The following GRM1 variants were observed in gnomAD, a reference collection of about 807,000 sequenced individuals.
The protein encoded by GRM1 is metabotropic glutamate receptor 1.
GRM1 carries 33 observed loss-of-function variants against 90.9 expected under a neutral mutation model. The ratio of observed to expected loss-of-function variants is 0.36; its 90% CI spans 0.28 to 0.49. The LOEUF (loss-of-function observed/expected upper bound fraction) is 0.49, where lower values mean the gene tolerates loss of function less well. Among genes scored for constraint, GRM1 ranks in the 20% least tolerant of loss-of-function variants. GRM1 has a pLI of 0.99. For missense variants in GRM1, 1,190 were observed against 1,534.3 expected, an observed-to-expected ratio of 0.78 and a Z score of 3.75; for synonymous variants, 700 against 613.2, an observed-to-expected ratio of 1.14 and a Z score of -2.09.
chr6:146,305,290 T>C (rs1221421734), intron 3 of GRM1, among the ~76,000 whole-genome samples: 1 of 152,048 alleles, frequency 6.6e-6, no homozygotes, highest in Non-Finnish European at 1.5e-5. Context: ...CAAAAGTGTT[T>C]GTGGGCATAG....
chr6:146,137,956 T>C (rs977782433), intron 1 of GRM1, among the ~76,000 whole-genome samples: 2 of 152,212 alleles, frequency 1.3e-5, no homozygotes, highest in Non-Finnish European at 2.9e-5. Flanking sequence ...TTTCAGATTA[T>C]TTACTGTTGG....
chr6:146,371,481 C>A (rs896274022), intron 5 of GRM1, among the ~76,000 whole-genome samples: 4 of 152,042 alleles, frequency 2.6e-5, no homozygotes, highest in African/African-American at 9.7e-5. Context: ...AATCCAATTA[C>A]AATCTTTACG....
At chr6:146,039,788 G>A (rs1392389183) in intron 1 of GRM1, among the ~76,000 whole-genome samples, 1 of 151,994 alleles carries the variant, frequency 6.6e-6, no homozygotes, top group Non-Finnish European at 1.5e-5. Context: ...GGAGGTTAGT[G>A]TTTAGTGAAT....
At chr6:146,325,410 C>G (rs1784369248) in intron 3 of GRM1, among the ~76,000 whole-genome samples, 1 of 152,136 alleles carries the variant, frequency 6.6e-6, no homozygotes, top group African/African-American at 2.4e-5. Flanking sequence ...AGAGATTGTT[C>G]TTGCAAAAGA....
At chr6:146,054,740 T>A (rs1292910002) in intron 1 of GRM1, among the ~76,000 whole-genome samples, 1 of 152,144 alleles carries the variant, frequency 6.6e-6, no homozygotes, top group East Asian at 1.9e-4. Flanking sequence ...TGTTTTTTAA[T>A]GCTCTACCAG....
intron 1 of GRM1, among the ~76,000 whole-genome samples, chr6:146,101,368 GT>G (rs1562463341): frequency 6.6e-6 from 1 of 152,080 alleles, no homozygotes; most frequent in South Asian, 2.1e-4. Context: ...TATTCTCACT[GT>G]TTTTTCTTCC....
intron 3 of GRM1, among the ~76,000 whole-genome samples, chr6:146,337,513 G>T (rs118174893): frequency 6.6e-6 from 1 of 152,148 alleles, no homozygotes; most frequent in Admixed American, 6.5e-5. Flanking sequence ...GAAAGTAAGG[G>T]ATAGGGATAT....
At chr6:146,092,258 A>G (rs1424544794) in intron 1 of GRM1, among the ~76,000 whole-genome samples, 1 of 151,966 alleles carries the variant, frequency 6.6e-6, no homozygotes, top group Admixed American at 6.6e-5. Flanking sequence ...GAGCTCTAGT[A>G]TATTTCTCTT....
intron 3 of GRM1, among the ~76,000 whole-genome samples, chr6:146,323,109 A>T (rs944962633): frequency 1.3e-5 from 2 of 152,140 alleles, no homozygotes; most frequent in African/African-American, 4.8e-5. Context: ...TCCTTTGGGT[A>T]TATACCCAGT....
chr6:146,179,388 G>A (rs771490826), intron 2 of GRM1, among the ~76,000 whole-genome samples: 4 of 152,204 alleles, frequency 2.6e-5, no homozygotes, highest in African/African-American at 7.2e-5. Context: ...GGGTATCAGT[G>A]TAGGGTCAAT....
rs956823486 is a variant in GRM1 at position 146,411,565 on chromosome 6, A to C, written c.2660+11866A>C. 5.3e-5 allele frequency among the ~76,000 whole-genome samples: 8 copies of C among 152,188 alleles called. No individual in the cohort carries two copies. The East Asian group carries it at 1.5e-3, about 29-fold the overall frequency. On this transcript the variant is annotated intron_variant, in intron 7 of 7. Coordinates refer to ENST00000282753, the MANE Select transcript of GRM1 (RefSeq NM_001278064.2). ...GTGAGATGTGTGTTTCAGAACTATC[A>C]CTGTACCCCCAGTATGCAGGATGTT...
chr6:146,085,046 A>G (rs981336009), intron 1 of GRM1, among the ~76,000 whole-genome samples: 3 of 152,164 alleles, frequency 2.0e-5, no homozygotes, highest in Non-Finnish European at 4.4e-5. Context: ...CCATTTTTTA[A>G]GTCTCAAAGG....
rs1346769047 is a variant in GRM1 at position 146,304,707 on chromosome 6, A to T, written c.1047A>T (p.Ser349=). The T allele has an allele frequency of 6.2e-7, 1 of 1,613,794 alleles. No homozygotes were observed. Among genetic ancestry groups the T allele is most frequent in the African/African-American group, 1.3e-5 (1 of 74,908 alleles). ...AGCTGCAGTCTCCAGAGGTCAGGTC[A>T]TTTGATGATTATTTCCTGAAACTGA... The part of the protein sequence containing the change: ...TIKLQSPEVR[S]FDDYFLKLRL... Residue 349 remains serine, a synonymous_variant, in exon 3 of 8, where the codon TCA becomes TCT. Coordinates refer to ENST00000282753, the MANE Select transcript of GRM1 (RefSeq NM_001278064.2).
intron 2 of GRM1, among the ~76,000 whole-genome samples, chr6:146,177,339 T>A (rs1778372897): frequency 6.6e-6 from 1 of 152,098 alleles, no homozygotes; most frequent in South Asian, 2.1e-4. Flanking sequence ...TTTTAGATTA[T>A]CTTCATTCTC....
At chr6:146,263,866 T>G (rs572761736) in intron 2 of GRM1, among the ~76,000 whole-genome samples, 2 of 152,250 alleles carry the variant, frequency 1.3e-5, no homozygotes, top group East Asian at 3.9e-4. Flanking sequence ...CTTCACTTTT[T>G]GCTGTAATGA....
At chr6:146,304,383 G>A (rs1419996797) in intron 2 of GRM1, among the ~76,000 whole-genome samples, 1 of 152,098 alleles carries the variant, frequency 6.6e-6, no homozygotes, top group African/African-American at 2.4e-5. Context: ...AAGTGTTGCT[G>A]TCATCATCTC....
intron 2 of GRM1, among the ~76,000 whole-genome samples, chr6:146,161,272 C>A (rs925587048): frequency 6.6e-5 from 10 of 152,072 alleles, no homozygotes; most frequent in African/African-American, 2.2e-4. Context: ...ATGTGGCAAA[C>A]CTGTGAGCTT....
intron 3 of GRM1, among the ~76,000 whole-genome samples, chr6:146,316,013 G>A (rs1783952121): frequency 6.6e-6 from 1 of 152,130 alleles, no homozygotes; most frequent in Non-Finnish European, 1.5e-5. Flanking sequence ...AGACTCAGTG[G>A]CTTGAAGCAA....
chr6:146,258,706 C>G (rs1403668286), intron 2 of GRM1, among the ~76,000 whole-genome samples: 1 of 151,966 alleles, frequency 6.6e-6, no homozygotes, highest in Non-Finnish European at 1.5e-5. Flanking sequence ...CCTGACTTAC[C>G]TGCCAGAGGG....
Sources: allele counts gnomAD v4.1 joint callset (sites outside exome capture counted in the v4.1 genomes callset), GRCh38; gene constraint gnomAD v4.1.1; transcripts MANE v1.5; gene names NCBI Gene and HGNC (gene_info 2026-07-23, HGNC 2026-07-21).